Variants in MED25 observed in about 807,000 individuals in gnomAD.
MED25 encodes the protein mediator of RNA polymerase II transcription subunit 25.
A neutral mutation model predicts 89.4 loss-of-function variants in MED25; 62 were observed. That is an observed-to-expected ratio of 0.69 (90% confidence interval 0.57 to 0.86). MED25 has a LOEUF of 0.86. MED25 is among the 40% of genes least tolerant of loss of function. The pLI is 0.00. For synonymous variants in MED25, 449 were observed against 427.9 expected (o/e 1.05, Z -0.61); for missense variants, 905 against 1,005.2 (o/e 0.90, Z 1.35).
At position 49,829,074 on chromosome 19, in the gene MED25, T is replaced by C. The variant is rs1226357178; in HGVS notation, c.509T>C (p.Val170Ala). The stretch of plus-strand genomic sequence containing the variant: ...TCTGGATGCACAACTGAGAATCTTG[T>C]GCAGCAGATTGGGGAGGTGAGGACT... ...TYSGCTTENL[V>A]QQIGERGIHF... The change falls in exon 5 of 18, where the codon GTG becomes GCG. Residue 170 changes from valine to alanine, a missense_variant. Transcript: ENST00000312865. The surrounding 1 kb of genome is among the most constrained non-coding windows in gnomAD (Gnocchi z 4.6). 1 of 1,613,866 alleles carries C rather than the reference T, an allele frequency of 6.2e-7. No individual in the cohort carries two copies. The highest frequency in any genetic ancestry group is 1.3e-5 in the African/African-American group (1 of 74,994).
At position 49,831,954 on chromosome 19, in the gene MED25, G is replaced by A. The variant is rs1205878264; in HGVS notation, c.1249G>A (p.Val417Met). The A allele has an allele frequency of 3.7e-6, 6 of 1,614,108 alleles. No homozygotes were observed. Among genetic ancestry groups the A allele is most frequent in the South Asian group, 2.2e-5 (2 of 91,088 alleles). Residue 417 changes from valine to methionine, a missense_variant, in exon 11 of 18, where the codon GTG becomes ATG. Around this residue, in one of 3 missense-constraint regions of MED25, gnomAD observed 133 missense variants for 220.2 expected, o/e 0.60. Coordinates refer to ENST00000312865, the MANE Select transcript of MED25 (RefSeq NM_030973.4). The surrounding 1 kb of genome is among the most constrained non-coding windows in gnomAD (Gnocchi z 5.0). Reference sequence around the variant, plus strand: ...CCCTCAGAAACCCAAACCTGCCTCAGTGGATGCCAACACCAAGCTGACGCG... The same window carrying A: ...CCCTCAGAAACCCAAACCTGCCTCAATGGATGCCAACACCAAGCTGACGCG... ...EWQEKPKPAS[V>M]DANTKLTRSL... is the part of the protein sequence containing the mutation.
Position 49,831,853 on chromosome 19 carries a change from G to T in MED25, c.1231-83G>T. 1 of 1,278,656 alleles carries T rather than the reference G, an allele frequency of 7.8e-7. No homozygotes were observed. The highest frequency in any genetic ancestry group is 2.3e-5 in the East Asian group (1 of 42,838). 79.2% of individuals were successfully genotyped at this position (1,278,656 alleles called of 1,614,324 possible). ...AAACTGGGGAACATCCTGAGCTTTGGGGCTACCAGGGTAGGACATGAGGGC... is the reference window on the plus strand; with the variant it reads ...AAACTGGGGAACATCCTGAGCTTTGTGGCTACCAGGGTAGGACATGAGGGC... On this transcript the variant is annotated intron_variant, in intron 10 of 17. Coordinates refer to ENST00000312865, the MANE Select transcript of MED25 (RefSeq NM_030973.4). The surrounding 1 kb of genome is among the most constrained non-coding windows in gnomAD (Gnocchi z 5.0).
downstream of MED25, chr19:49,839,473 C>G (rs1173230065): frequency 2.0e-5 from 3 of 152,544 alleles, no homozygotes; most frequent in Non-Finnish European, 2.9e-5. Flanking sequence ...TTGATGGTGA[C>G]TTGACCTGAG....
At chr19:49,832,437 C>T (rs113681179) in intron 13 of MED25, 22 bp downstream of exon 13, 46 of 1,369,226 alleles carry the variant, frequency 3.4e-5, no homozygotes, top group African/African-American at 2.8e-4. Context: ...GCATGGGGGG[C>T]CGAGGGGTGT....
In MED25 at chr19:49,834,723, G is replaced by A. The variant is rs1203650902; in HGVS notation, c.1483-263G>A. The A allele has an allele frequency of 1.8e-6, 1 of 545,586 alleles. No individual in the cohort carries two copies. The highest frequency in any genetic ancestry group is 3.3e-6 in the Non-Finnish European group (1 of 302,218). 33.8% of individuals were successfully genotyped at this position (545,586 alleles called of 1,614,324 possible). Reference sequence around the variant, plus strand: ...GAAACTGGGTCCATGAGGAGCAGGTGGTGGCTGAAGGTTGAAGAGCTGGGC... The same window carrying A: ...GAAACTGGGTCCATGAGGAGCAGGTAGTGGCTGAAGGTTGAAGAGCTGGGC... On this transcript the variant is annotated intron_variant, in intron 13 of 17. Coordinates refer to ENST00000312865, the MANE Select transcript of MED25 (RefSeq NM_030973.4). This position sits in a 1 kb window ranked among gnomAD's most constrained non-coding sequence, Gnocchi z 4.1.
intron 3 of MED25, among the ~76,000 whole-genome samples, chr19:49,820,434 C>T (rs1248853461): frequency 6.6e-6 from 1 of 152,250 alleles, no homozygotes; most frequent in East Asian, 1.9e-4. Context: ...AGCCTAGGCA[C>T]GGGCTTATCC....
chr19:49,836,103 T>A lies in MED25; in HGVS notation c.1966-123T>A. On this transcript the variant is annotated intron_variant, in intron 16 of 17. Coordinates refer to ENST00000312865, the MANE Select transcript of MED25 (RefSeq NM_030973.4). This position sits in a 1 kb window ranked among gnomAD's most constrained non-coding sequence, Gnocchi z 5.1. ...AGGCAGACCGCCTCCTCTCCGTCCA[T>A]CCCCCACCTTTGAAGAAAAACTTCC... is the stretch of plus-strand genomic sequence containing the variant. The A allele has an allele frequency of 4.0e-6, 6 of 1,508,850 alleles. No individual in the cohort carries two copies. The highest frequency in any genetic ancestry group is 5.4e-6 in the Non-Finnish European group (6 of 1,108,220). The allele number at this position is 1,508,850 out of a possible 1,614,324, so 93.5% of individuals were successfully genotyped here. A position where few individuals can be genotyped will look rare whatever the true frequency, so the allele number is the denominator to read the frequency against.
chr19:49,829,154 A>C lies in MED25; in HGVS notation c.525+64A>C. ...CCCGGAGTCTTGGGTCTGAGGCAGG[A>C]GGCACTGAGGGCCTGGACTCCTGGG... On this transcript the variant is annotated intron_variant, in intron 5 of 17. Coordinates refer to ENST00000312865, the MANE Select transcript of MED25 (RefSeq NM_030973.4). The surrounding 1 kb of genome is among the most constrained non-coding windows in gnomAD (Gnocchi z 4.6). 1 of 1,453,712 alleles carries C rather than the reference A, an allele frequency of 6.9e-7. No homozygotes were observed. Among genetic ancestry groups the C allele is most frequent in the Non-Finnish European group, 9.5e-7 (1 of 1,051,774 alleles). The allele number at this position is 1,453,712 out of a possible 1,614,324, so 90.1% of individuals were successfully genotyped here.
At chr19:49,826,592 C>T (rs942518340) in intron 3 of MED25, among the ~76,000 whole-genome samples, 1 of 152,186 alleles carries the variant, frequency 6.6e-6, no homozygotes, top group Non-Finnish European at 1.5e-5. Flanking sequence ...CTTGTGTGAC[C>T]TAGGGTCAGA....
At chr19:49,828,093 G>A (rs1447086666) in intron 3 of MED25, among the ~76,000 whole-genome samples, 1 of 152,164 alleles carries the variant, frequency 6.6e-6, no homozygotes, top group Non-Finnish European at 1.5e-5. Flanking sequence ...GCCAGGTGTG[G>A]TGGCAGGCAC....
chr19:49,837,990 C>T (rs777978010), downstream of MED25, among the ~76,000 whole-genome samples: 6 of 152,062 alleles, frequency 3.9e-5, no homozygotes, highest in South Asian at 2.1e-4. Context: ...AGAGACGTCC[C>T]GAGGGCAGGG....
intron 2 of MED25, 57 bp downstream of exon 2, chr19:49,818,673 G>C: frequency 6.6e-7 from 1 of 1,526,640 alleles, no homozygotes; most frequent in Non-Finnish European, 9.1e-7. Context: ...TGGACTCCTG[G>C]GTCTGAGGGA....
Position 49,831,005 on chromosome 19 carries a change from T to G in MED25, c.1101+118T>G, listed in dbSNP as rs764297586. On this transcript the variant is annotated intron_variant, in intron 9 of 17. Transcript: ENST00000312865. The surrounding 1 kb of genome is among the most constrained non-coding windows in gnomAD (Gnocchi z 5.0). ...TGTGGCTCTCGTGGTTCTGGGGCTT[T>G]GGGGGCTCGTGGTGTGTGTGCTGCA... The G allele has an allele frequency of 8.8e-7, 1 of 1,138,470 alleles. No homozygotes were observed. The highest frequency in any genetic ancestry group is 1.3e-6 in the Non-Finnish European group (1 of 765,204). 70.5% of individuals were successfully genotyped at this position (1,138,470 alleles called of 1,614,324 possible).
In MED25 at chr19:49,836,652, G is replaced by A; in HGVS notation, c.2147-195G>A. 1 of 738,562 alleles carries A rather than the reference G, an allele frequency of 1.4e-6. No individual in the cohort carries two copies. Among genetic ancestry groups the A allele is most frequent in the Non-Finnish European group, 2.4e-6 (1 of 408,574 alleles). The allele number at this position is 738,562 out of a possible 1,614,324, so 45.8% of individuals were successfully genotyped here. A position where few individuals can be genotyped will look rare whatever the true frequency, so the allele number is the denominator to read the frequency against. On this transcript the variant is annotated intron_variant, in intron 17 of 17. Transcript: ENST00000312865. This position sits in a 1 kb window ranked among gnomAD's most constrained non-coding sequence, Gnocchi z 5.1. ...GCTCCTGGGATTGCTGGGAAATGTG[G>A]TCTTAGGGCCAGAGAAGTAGTTTTG...
chr19:49,822,266 A>G (rs1568619527), intron 3 of MED25, among the ~76,000 whole-genome samples: 1 of 144,364 alleles, frequency 6.9e-6, no homozygotes, highest in African/African-American at 2.7e-5. Flanking sequence ...CTGTCTCAAA[A>G]AAAAAAAAAA....
At position 49,836,356 on chromosome 19, in the gene MED25, C is replaced by T; in HGVS notation, c.2096C>T (p.Pro699Leu). The T allele has an allele frequency of 6.2e-7, 1 of 1,608,818 alleles. No homozygotes were observed. Among genetic ancestry groups the T allele is most frequent in the Non-Finnish European group, 8.5e-7 (1 of 1,178,038 alleles). Residue 699 changes from proline to leucine, a missense_variant, in exon 17 of 18, where the codon CCA (proline) becomes CTA (leucine). This residue lies in a region of MED25 where 271 missense variants were observed against 258.1 expected (regional missense o/e 1.05). Coordinates refer to ENST00000312865, the MANE Select transcript of MED25 (RefSeq NM_030973.4). The surrounding 1 kb of genome is among the most constrained non-coding windows in gnomAD (Gnocchi z 5.1). ...TTGGGGCCCCCACTCCTGCATCCACCACCTGCCCAGTCCTGGCCCGCACAA... is the reference window on the plus strand; with the variant it reads ...TTGGGGCCCCCACTCCTGCATCCACTACCTGCCCAGTCCTGGCCCGCACAA... ...PQLGPPLLHP[P>L]PAQSWPAQLP...
Position 49,830,012 on chromosome 19 carries a change from T to TG in MED25, c.688+66dup. On this transcript the variant is annotated intron_variant, in intron 6 of 17. Coordinates refer to ENST00000312865, the MANE Select transcript of MED25 (RefSeq NM_030973.4). The surrounding 1 kb of genome is among the most constrained non-coding windows in gnomAD (Gnocchi z 4.6). ...CGTGTTTCCCCAGCTCCCTCTGACT[T>TG]GGATTTTGGATTTCTCTCCTTTCTC... 5 of 1,597,224 alleles carry TG rather than the reference T, an allele frequency of 3.1e-6. No homozygotes were observed. The South Asian group carries it at 5.5e-5, about 18-fold the overall frequency.
In MED25 at chr19:49,831,374, A is replaced by G. The variant is rs200571306; in HGVS notation, c.1143A>G (p.Pro381=). The G allele has an allele frequency of 7.7e-5, 124 of 1,610,638 alleles. 1 individual carries two copies. In the East Asian group the frequency reaches 1.9e-3, roughly 25 times the overall value. Residue 381 remains proline, a synonymous_variant, in exon 10 of 18, where the codon CCA becomes CCG. Coordinates refer to ENST00000312865, the MANE Select transcript of MED25 (RefSeq NM_030973.4). This position sits in a 1 kb window ranked among gnomAD's most constrained non-coding sequence, Gnocchi z 5.0. Reference sequence around the variant, plus strand: ...CAGGAGGGGTGAGCGGCCCTTCCCCAGCCCAGCTGGGAGCCCCAGCCCTCG... The same window carrying G: ...CAGGAGGGGTGAGCGGCCCTTCCCCGGCCCAGCTGGGAGCCCCAGCCCTCG... ...VAPGGVSGPS[P]AQLGAPALGG...
chr19:49,826,023 A>C lies in MED25; in HGVS notation c.306-2426A>C, dbSNP rs538540535. Among the ~76,000 whole-genome samples, 116 of 152,038 alleles carry C rather than the reference A, an allele frequency of 7.6e-4. 1 individual carries two copies. Among genetic ancestry groups the C allele is most frequent in the Admixed American group, 6.9e-3 (105 of 15,262 alleles). Reference sequence around the variant, plus strand: ...GAGTTGGTTCACCCCAACTCTTTGCACACAGTTGAAGTTTCTGCGTGCAAA... The same window carrying C: ...GAGTTGGTTCACCCCAACTCTTTGCCCACAGTTGAAGTTTCTGCGTGCAAA... On this transcript the variant is annotated intron_variant, in intron 3 of 17. Coordinates refer to ENST00000312865, the MANE Select transcript of MED25 (RefSeq NM_030973.4).
Sources: allele counts gnomAD v4.1 joint callset (sites outside exome capture counted in the v4.1 genomes callset), GRCh38; gene constraint gnomAD v4.1.1; regional missense constraint gnomAD v4.1.1; non-coding constraint Gnocchi (gnomAD v3.1); transcripts MANE v1.5; gene names NCBI Gene and HGNC (gene_info 2026-07-23, HGNC 2026-07-21).